Variants in KCNAB1 observed in about 807,000 individuals in gnomAD.
The protein encoded by KCNAB1 is potassium voltage-gated channel subfamily A regulatory beta subunit 1, also known as voltage-gated potassium channel subunit beta-1.
In KCNAB1, 35 loss-of-function variants were observed where a neutral mutation model predicts 64.6. The observed-to-expected ratio is 0.54, with a 90% CI of 0.41 to 0.72. The LOEUF is 0.72. KCNAB1 is among the 30% of genes least tolerant of loss of function. The pLI, the probability that KCNAB1 is intolerant of heterozygous loss-of-function variation, is 0.00. For missense variants in KCNAB1, 401 were observed against 512.9 expected (o/e 0.78, Z 2.11); for synonymous variants, 177 against 183.8 (o/e 0.96, Z 0.30).
At chr3:156,491,973 A>G (rs1715664570) in intron 8 of KCNAB1, among the ~76,000 whole-genome samples, 1 of 152,124 alleles carries the variant, frequency 6.6e-6, no homozygotes, top group Admixed American at 6.6e-5. Flanking sequence ...TAATTACACC[A>G]TCCTCTTTTA....
intron 1 of KCNAB1, among the ~76,000 whole-genome samples, chr3:156,211,082 T>C (rs1247584569): frequency 6.6e-6 from 1 of 152,122 alleles, no homozygotes; most frequent in African/African-American, 2.4e-5. Context: ...TTTGAGATGG[T>C]CCTCAGTATG....
chr3:156,173,411 A>T (rs1173291367), intron 1 of KCNAB1, among the ~76,000 whole-genome samples: 1 of 152,228 alleles, frequency 6.6e-6, no homozygotes, highest in African/African-American at 2.4e-5. Flanking sequence ...TCCTAGTTTT[A>T]ACTACTTAGT....
intron 1 of KCNAB1, among the ~76,000 whole-genome samples, chr3:156,222,854 A>G (rs369294713): frequency 2.1e-4 from 32 of 152,340 alleles, no homozygotes; most frequent in African/African-American, 7.2e-4. Context: ...TGAAATCAAG[A>G]TGGGAATTAA....
At chr3:156,240,907 A>C (rs938697203) in intron 1 of KCNAB1, among the ~76,000 whole-genome samples, 2 of 152,318 alleles carry the variant, frequency 1.3e-5, no homozygotes, top group Non-Finnish European at 2.9e-5. Flanking sequence ...ATCAAGAAGT[A>C]ACCACTATGG....
rs1324815125 is a variant in KCNAB1, at chr3:156,158,164, CAAAAA to C, written c.275+37285_275+37289del. Among the ~76,000 whole-genome samples, 77 of 42,890 alleles carry C rather than the reference CAAAAA, an allele frequency of 1.8e-3. 1 individual carries two copies. Among genetic ancestry groups the C allele is most frequent in the African/African-American group, 4.8e-3 (69 of 14,272 alleles). The allele number at this position is 42,890 out of a possible 152,430, so 28.1% of individuals were successfully genotyped here. A position where few individuals can be genotyped will look rare whatever the true frequency, so the allele number is the denominator to read the frequency against. On this transcript the variant is annotated intron_variant, in intron 1 of 13. Transcript: ENST00000490337. The stretch of plus-strand genomic sequence containing the variant: ...TGGGTGACAGAGCGAAACTCTGTCT[CAAAAA>C]AAAAAATAAAAAATAAATAAATAAA...
At chr3:156,257,254 GT>G (rs1718150117) in intron 1 of KCNAB1, among the ~76,000 whole-genome samples, 1 of 152,096 alleles carries the variant, frequency 6.6e-6, no homozygotes, top group Non-Finnish European at 1.5e-5. Flanking sequence ...TGAAAAACTT[GT>G]GCTCCAGACT....
chr3:156,444,546 C>G (rs963183083), intron 2 of KCNAB1, among the ~76,000 whole-genome samples: 4 of 152,180 alleles, frequency 2.6e-5, no homozygotes, highest in Non-Finnish European at 4.4e-5. Flanking sequence ...AGAACTCCAG[C>G]CCAGGCCTCC....
chr3:156,389,230 C>G (rs1403482411), intron 1 of KCNAB1, among the ~76,000 whole-genome samples: 1 of 152,160 alleles, frequency 6.6e-6, no homozygotes, highest in Non-Finnish European at 1.5e-5. Context: ...TGCAGCCAGC[C>G]CAGGCCAGTT....
At chr3:156,403,892 T>TAAAAAA (rs200824639) in intron 1 of KCNAB1, among the ~76,000 whole-genome samples, 1 of 136,864 alleles carries the variant, frequency 7.3e-6, no homozygotes, top group Non-Finnish European at 1.6e-5. Flanking sequence ...AGACTCTGCC[T>TAAAAAA]AAAAAAAAAA....
intron 1 of KCNAB1, among the ~76,000 whole-genome samples, chr3:156,395,592 A>C (rs1207426724): frequency 2.2e-5 from 3 of 138,034 alleles, no homozygotes; most frequent in African/African-American, 5.3e-5. Context: ...AAAATCAGAC[A>C]TTGTTATTTG....
At chr3:156,370,028 A>T (rs1018703152) in intron 1 of KCNAB1, among the ~76,000 whole-genome samples, 6 of 152,216 alleles carry the variant, frequency 3.9e-5, no homozygotes, top group Non-Finnish European at 7.3e-5. Flanking sequence ...AATGTTCATA[A>T]AAAGGGACAA....
intron 1 of KCNAB1, among the ~76,000 whole-genome samples, chr3:156,168,128 G>A (rs1015898432): frequency 6.6e-6 from 1 of 152,024 alleles, no homozygotes; most frequent in Admixed American, 6.6e-5. Context: ...GCATGGACCC[G>A]GGATGCAGAG....
intron 1 of KCNAB1, among the ~76,000 whole-genome samples, chr3:156,361,763 A>T (rs1725629944): frequency 6.6e-6 from 1 of 152,024 alleles, no homozygotes; most frequent in Admixed American, 6.5e-5. Context: ...GGCTCAAGGG[A>T]TCCTCCCACT....
At chr3:156,276,529 T>C (rs981443649) in intron 1 of KCNAB1, among the ~76,000 whole-genome samples, 5 of 152,316 alleles carry the variant, frequency 3.3e-5, no homozygotes, top group Non-Finnish European at 7.4e-5. Context: ...AGAAGGCTAT[T>C]TTGTCTACAT....
At chr3:156,416,164 G>A (rs1027117686) in intron 1 of KCNAB1, among the ~76,000 whole-genome samples, 5 of 152,222 alleles carry the variant, frequency 3.3e-5, no homozygotes, top group African/African-American at 1.2e-4. Context: ...TTCTCATCAG[G>A]ATTAACTAAG....
intron 1 of KCNAB1, among the ~76,000 whole-genome samples, chr3:156,383,012 G>C (rs780155344): frequency 6.6e-6 from 1 of 152,146 alleles, no homozygotes. Flanking sequence ...TGCTTTCTAC[G>C]TCTGAACTTT....
chr3:156,171,350 C>G (rs1256017241), intron 1 of KCNAB1, among the ~76,000 whole-genome samples: 2 of 152,118 alleles, frequency 1.3e-5, no homozygotes, highest in East Asian at 3.8e-4. Context: ...TAATTGCTTT[C>G]CTGAAGAATC....
At chr3:156,281,582 G>A (rs374140518) in intron 1 of KCNAB1, among the ~76,000 whole-genome samples, 4 of 152,138 alleles carry the variant, frequency 2.6e-5, no homozygotes, top group Admixed American at 2.6e-4. Flanking sequence ...TCGGCTGTGA[G>A]TCCATCTGGT....
In KCNAB1 at chr3:156,437,042, G is replaced by C. The variant is rs1370989558; in HGVS notation, c.319+15383G>C. ...TTCTTCTAGGGTTTTTATAGTTTTG[G>C]GTTTTACATCAATGTCTGTCTTGCA... On this transcript the variant is annotated intron_variant, in intron 2 of 13. Coordinates refer to ENST00000490337, the MANE Select transcript of KCNAB1 (RefSeq NM_172160.3). Among the ~76,000 whole-genome samples the C allele has an allele frequency of 2.6e-5, 4 of 152,098 alleles. No individual in the cohort carries two copies. The East Asian group carries it at 7.7e-4, about 29-fold the overall frequency.
Sources: allele counts gnomAD v4.1 joint callset (sites outside exome capture counted in the v4.1 genomes callset), GRCh38; gene constraint gnomAD v4.1.1; transcripts MANE v1.5; gene names NCBI Gene and HGNC (gene_info 2026-07-23, HGNC 2026-07-21).